The following ZCCHC14 variants were observed in gnomAD, a reference collection of about 807,000 sequenced individuals.
ZCCHC14 encodes the protein zinc finger CCHC domain-containing protein 14.
In ZCCHC14, 16 loss-of-function variants were observed where a neutral mutation model predicts 85.0. The ratio of observed to expected loss-of-function variants is 0.19; its 90% CI spans 0.13 to 0.29. ZCCHC14 has a LOEUF of 0.29. Among genes scored for constraint, ZCCHC14 ranks in the 10% least tolerant of loss-of-function variants. The probability of loss-of-function intolerance (pLI) is 1.00; values close to 1 mark genes in which losing one functional copy is unlikely to be tolerated. For synonymous variants in ZCCHC14, 775 were observed against 630.7 expected, an observed-to-expected ratio of 1.23 and a Z score of -3.43; for missense variants, 1,303 against 1,443.5, an observed-to-expected ratio of 0.90 and a Z score of 1.58.
intron 1 of ZCCHC14, among the ~76,000 whole-genome samples, chr16:87,484,773 G>A (rs1363060168): frequency 4.6e-5 from 7 of 152,278 alleles, no homozygotes; most frequent in Non-Finnish European, 7.4e-5. Context: ...TGGTAGAGGT[G>A]AGTGGTGTTA....
At chr16:87,423,773 T>C (rs755097664) in intron 4 of ZCCHC14, 37 bp downstream of exon 4, 1 of 1,606,644 alleles carries the variant, frequency 6.2e-7, no homozygotes, top group Non-Finnish European at 8.5e-7. Flanking sequence ...GGGAATGTGA[T>C]TCTTTTAATT....
In ZCCHC14 at chr16:87,409,999, G is replaced by A. The variant is rs565740819; in HGVS notation, c.*281C>T. On this transcript the variant is annotated 3_prime_UTR_variant, in exon 13 of 13. Coordinates refer to ENST00000671377, the MANE Select transcript of ZCCHC14 (RefSeq NM_015144.3). ...CCAGTGATGGCAATGCTCTTCGGGA[G>A]ACATGGCGTCTCTGCACTGCAACCA... 2 of 290,468 alleles carry A rather than the reference G, an allele frequency of 6.9e-6. No individual in the cohort carries two copies. The highest frequency in any genetic ancestry group is 6.2e-5 in the East Asian group (1 of 16,036). 18.0% of individuals were successfully genotyped at this position (290,468 alleles called of 1,614,324 possible).
At chr16:87,424,575 C>T (rs532659216) in intron 3 of ZCCHC14, among the ~76,000 whole-genome samples, 9 of 152,298 alleles carry the variant, frequency 5.9e-5, no homozygotes, top group African/African-American at 2.2e-4. Context: ...GGTCCATCTC[C>T]CCACATGCAC....
At chr16:87,481,023 A>G (rs1263849863) in intron 1 of ZCCHC14, among the ~76,000 whole-genome samples, 1 of 152,218 alleles carries the variant, frequency 6.6e-6, no homozygotes, top group African/African-American at 2.4e-5. Flanking sequence ...CTCCTGCAGC[A>G]TGCATTTGAC....
intron 2 of ZCCHC14, 131 bp from the exon 3 acceptor site, chr16:87,433,332 G>C (rs1909756249): frequency 7.5e-6 from 6 of 800,968 alleles, no homozygotes; most frequent in Non-Finnish European, 9.9e-6. Flanking sequence ...CACTTTGGTG[G>C]CATCTCACCT....
intron 2 of ZCCHC14, among the ~76,000 whole-genome samples, chr16:87,448,336 G>A (rs1910536302): frequency 6.6e-6 from 1 of 152,024 alleles, no homozygotes; most frequent in Non-Finnish European, 1.5e-5. Flanking sequence ...CTGTTTTGTT[G>A]TTCTCCTTTG....
At chr16:87,469,530 T>G (rs1911684985) in intron 1 of ZCCHC14, among the ~76,000 whole-genome samples, 1 of 152,232 alleles carries the variant, frequency 6.6e-6, no homozygotes, top group Non-Finnish European at 1.5e-5. Flanking sequence ...AGCCCCTGTT[T>G]CGTCCACTAT....
rs1908303567 is a variant in ZCCHC14 at position 87,408,574 on chromosome 16, C to T, written c.*1706G>A. On this transcript the variant is annotated 3_prime_UTR_variant, in exon 13 of 13. Transcript: ENST00000671377. ...AATAAGCATCACCATTACTTCAACA[C>T]TGTAATACTGTGTACCATGAGGAGA... 2.0e-5 allele frequency: 3 copies of T among 152,596 alleles called. No individual in the cohort carries two copies. The highest frequency in any genetic ancestry group is 2.0e-4 in the Admixed American group (3 of 15,282). The allele number at this position is 152,596 out of a possible 1,614,324, so 9.5% of individuals were successfully genotyped here.
At chr16:87,449,806 A>T (rs891362307) in intron 2 of ZCCHC14, among the ~76,000 whole-genome samples, 34 of 152,212 alleles carry the variant, frequency 2.2e-4, no homozygotes, top group African/African-American at 7.7e-4. Context: ...GCACTTTGGG[A>T]GGCCGAGGTG....
At chr16:87,441,918 C>T (rs770686634) in intron 2 of ZCCHC14, among the ~76,000 whole-genome samples, 11 of 152,176 alleles carry the variant, frequency 7.2e-5, no homozygotes, top group Non-Finnish European at 1.0e-4. Flanking sequence ...GTGGGGGCTG[C>T]GATTCCAGGT....
intron 2 of ZCCHC14, among the ~76,000 whole-genome samples, chr16:87,454,476 A>C (rs1316644017): frequency 2.0e-5 from 3 of 152,244 alleles, no homozygotes; most frequent in Non-Finnish European, 4.4e-5. Flanking sequence ...GAATATAGCA[A>C]AATGACATTG....
At chr16:87,417,343 G>A in intron 8 of ZCCHC14, 117 bp downstream of exon 8, 2 of 1,446,496 alleles carry the variant, frequency 1.4e-6, no homozygotes, top group Non-Finnish European at 1.9e-6. Flanking sequence ...AACAGGCGCT[G>A]CGCCTCGGCC....
chr16:87,455,927 G>C (rs1356108352), intron 2 of ZCCHC14, among the ~76,000 whole-genome samples: 1 of 152,314 alleles, frequency 6.6e-6, no homozygotes, highest in East Asian at 1.9e-4. Flanking sequence ...ATTTAAGGTA[G>C]GCTAGGCTAA....
At chr16:87,423,907 C>G in intron 3 of ZCCHC14, 26 bp from the exon 4 acceptor site, 1 of 1,609,136 alleles carries the variant, frequency 6.2e-7, no homozygotes, top group Non-Finnish European at 8.5e-7. Context: ...ACAAACAAAC[C>G]TTAGAAACAG....
Position 87,411,896 on chromosome 16 carries a change from C to G in ZCCHC14, c.2825G>C (p.Ser942Thr). 1.3e-6 allele frequency: 2 copies of G among 1,596,006 alleles called. No individual in the cohort carries two copies. Among genetic ancestry groups the G allele is most frequent in the South Asian group, 1.1e-5 (1 of 89,296 alleles). Residue 942 changes from serine to threonine, a missense_variant, in exon 12 of 13, where the codon AGC becomes ACC. Ser to Thr is a moderately conservative substitution (Grantham distance 58). This residue lies in a region of ZCCHC14 where 797 missense variants were observed against 730.8 expected (regional missense o/e 1.09). Transcript: ENST00000671377. ...GSCGSSGLTVSYANYFQHPFS... is the reference protein window; with the variant it reads ...GSCGSSGLTVTYANYFQHPFS... ...CGGGTGCTGGAAGTAGTTGGCGTAG[C>G]TGACAGTCAGGCCACTCGAGCCGCA...
intron 1 of ZCCHC14, among the ~76,000 whole-genome samples, chr16:87,484,003 G>T (rs1258380310): frequency 1.3e-5 from 2 of 152,200 alleles, no homozygotes; most frequent in Non-Finnish European, 2.9e-5. Context: ...TTTATGGACT[G>T]ACAGAGAAGC....
rs146953317 is a variant in ZCCHC14 at position 87,453,739 on chromosome 16, TA to T, written c.694+6268del. On this transcript the variant is annotated intron_variant, in intron 2 of 12. Transcript: ENST00000671377. ...AACATGAGAAAAGCTGGAAACTCTA[TA>T]ATCACACACAATGGCACAATCTAGA... is the stretch of plus-strand genomic sequence containing the variant. 3.0e-3 allele frequency among the ~76,000 whole-genome samples: 459 copies of T among 152,306 alleles called. 1 individual carries two copies. Among genetic ancestry groups the T allele is most frequent in the Middle Eastern group, 0.02 (6 of 294 alleles).
At chr16:87,459,583 T>C (rs1911154176) in intron 2 of ZCCHC14, among the ~76,000 whole-genome samples, 1 of 150,020 alleles carries the variant, frequency 6.7e-6, no homozygotes, top group South Asian at 2.2e-4. Flanking sequence ...GATCTTGGCT[T>C]ACCACGACCT....
At chr16:87,417,922 A>C in intron 7 of ZCCHC14, 180 bp from the exon 8 acceptor site, 2 of 661,020 alleles carry the variant, frequency 3.0e-6, no homozygotes, top group Non-Finnish European at 5.0e-6. Flanking sequence ...CTCCCCAACC[A>C]CCTTTCTGCA....
Sources: gnomAD v4.1 joint callset for allele counts (sites outside exome capture counted in the v4.1 genomes callset) on GRCh38, gnomAD v4.1.1 for gene constraint, gnomAD v4.1.1 regional missense constraint, MANE v1.5 for transcripts, NCBI Gene and HGNC (gene_info 2026-07-23, HGNC 2026-07-21) for gene names.